Variants in TENM2 observed in about 807,000 individuals in gnomAD.
TENM2 encodes the protein teneurin-2.
In TENM2, 52 loss-of-function variants were observed where a neutral mutation model predicts 245.2. That is an observed-to-expected ratio of 0.21 (90% CI 0.17 to 0.27). TENM2 has a LOEUF of 0.27. Ranked by LOEUF, TENM2 falls within the 10% of genes least tolerant of loss-of-function variation. The pLI, the probability that TENM2 is intolerant of heterozygous loss-of-function variation, is 1.00. For synonymous variants in TENM2, 1,363 were observed against 1,438.9 expected, an observed-to-expected ratio of 0.95 and a Z score of 1.19; for missense variants, 3,046 against 3,666.8, an observed-to-expected ratio of 0.83 and a Z score of 4.37.
intron 2 of TENM2, among the ~76,000 whole-genome samples, chr5:167,645,728 G>A (rs1330931933): frequency 2.6e-5 from 4 of 151,702 alleles, no homozygotes; most frequent in African/African-American, 9.7e-5. Context: ...ATGTTAGTTT[G>A]GAGAAGGAAA....
At chr5:167,843,994 G>A (rs1003090282) in intron 2 of TENM2, among the ~76,000 whole-genome samples, 5 of 152,168 alleles carry the variant, frequency 3.3e-5, no homozygotes, top group Non-Finnish European at 7.3e-5. Context: ...CACTGGTGAG[G>A]CATCTCTTTT....
chr5:167,974,602 A>G (rs1782293609), intron 4 of TENM2, among the ~76,000 whole-genome samples: 2 of 152,206 alleles, frequency 1.3e-5, no homozygotes, highest in African/African-American at 4.8e-5. Context: ...CTCATTTAAT[A>G]GACACAATAT....
chr5:167,494,809 T>C (rs541645358), intron 2 of TENM2, among the ~76,000 whole-genome samples: 4 of 152,118 alleles, frequency 2.6e-5, no homozygotes, highest in Admixed American at 1.3e-4. Context: ...AGACTTGAAG[T>C]TGGACTGAAC....
Position 167,849,159 on chromosome 5 carries a change from C to T in TENM2, c.503-26827C>T, listed in dbSNP as rs1770329165. On this transcript the variant is annotated intron_variant, in intron 2 of 28. Coordinates refer to ENST00000518659, the Ensembl canonical transcript of TENM2. Reference sequence around the variant, plus strand: ...GCCTTTTCCAGCTTTTATAAGCTGCCTGCATTCTTTGGTTCATAGCCCCTT... The same window carrying T: ...GCCTTTTCCAGCTTTTATAAGCTGCTTGCATTCTTTGGTTCATAGCCCCTT... Among the ~76,000 whole-genome samples the T allele has an allele frequency of 1.3e-5, 2 of 152,124 alleles. 1 individual carries two copies. The highest frequency in any genetic ancestry group is 4.1e-4 in the South Asian group (2 of 4,822).
chr5:167,396,876 A>G (rs1451422007), intron 2 of TENM2, among the ~76,000 whole-genome samples: 2 of 152,172 alleles, frequency 1.3e-5, no homozygotes, highest in Non-Finnish European at 2.9e-5. Flanking sequence ...GGAGAGATGC[A>G]TCTTGGGCAC....
chr5:167,182,248 A>G, the TENM2 span, among the ~76,000 whole-genome samples: 1 of 152,156 alleles, frequency 6.6e-6, no homozygotes, highest in Non-Finnish European at 1.5e-5. Context: ...CTATATATTT[A>G]TAATGATTTT....
intron 10 of TENM2, among the ~76,000 whole-genome samples, chr5:168,123,656 CT>C (rs2152348553): frequency 6.6e-6 from 1 of 152,320 alleles, no homozygotes; most frequent in South Asian, 2.1e-4. Context: ...ATCCTTTAAT[CT>C]GGGCCAACAG....
intron 2 of TENM2, among the ~76,000 whole-genome samples, chr5:167,730,488 T>C (rs1006340801): frequency 6.6e-6 from 1 of 152,220 alleles, no homozygotes; most frequent in African/African-American, 2.4e-5. Context: ...TGGTGGATCA[T>C]GTTTAATTTC....
At chr5:167,233,906 A>T in the TENM2 span, among the ~76,000 whole-genome samples, 31,364 of 151,662 alleles carry the variant, frequency 0.21, 3,787 homozygotes, top group African/African-American at 0.34. Context: ...TCACAGCTCA[A>T]AGTGAAATGG....
chr5:167,895,551 C>T (rs1775149720), intron 3 of TENM2, among the ~76,000 whole-genome samples: 2 of 152,200 alleles, frequency 1.3e-5, no homozygotes, highest in Admixed American at 1.3e-4. Flanking sequence ...CTATGTACTA[C>T]TTCGCAAAAT....
intron 2 of TENM2, among the ~76,000 whole-genome samples, chr5:167,388,562 T>C (rs183505279): frequency 7.3e-4 from 111 of 152,112 alleles, no homozygotes; most frequent in African/African-American, 2.5e-3. Flanking sequence ...TTGGTTTTTT[T>C]TTGTTTCTCT....
chr5:167,857,423 T>G (rs1771193637), intron 2 of TENM2, among the ~76,000 whole-genome samples: 1 of 152,220 alleles, frequency 6.6e-6, no homozygotes. Flanking sequence ...CACATCAATC[T>G]GAATTTCTTC....
At chr5:168,036,087 C>A (rs1787637930) in intron 5 of TENM2, among the ~76,000 whole-genome samples, 3 of 152,132 alleles carry the variant, frequency 2.0e-5, no homozygotes. Flanking sequence ...GACACCAGCC[C>A]CTACCTGGGA....
the TENM2 span, among the ~76,000 whole-genome samples, chr5:167,236,840 T>A: frequency 6.6e-6 from 1 of 151,786 alleles, no homozygotes; most frequent in Non-Finnish European, 1.5e-5. Flanking sequence ...ACTGGCTGGC[T>A]GACCACATTT....
At chr5:168,220,274 C>A (rs963501318) in intron 23 of TENM2, among the ~76,000 whole-genome samples, 1 of 152,118 alleles carries the variant, frequency 6.6e-6, no homozygotes, top group Non-Finnish European at 1.5e-5. Context: ...ATTTCAGAAA[C>A]AATTTGTTGG....
chr5:167,222,779 A>G, the TENM2 span, among the ~76,000 whole-genome samples: 1 of 152,134 alleles, frequency 6.6e-6, no homozygotes, highest in East Asian at 1.9e-4. Flanking sequence ...CTCAGCTTCA[A>G]TTTCCTACAA....
intron 13 of TENM2, among the ~76,000 whole-genome samples, chr5:168,177,832 A>C (rs1340546297): frequency 1.3e-5 from 2 of 152,236 alleles, no homozygotes; most frequent in African/African-American, 2.4e-5. Flanking sequence ...ACAAGACCTC[A>C]TCTCTCAAAA....
chr5:167,924,297 C>T (rs920176730), intron 3 of TENM2, among the ~76,000 whole-genome samples: 2 of 152,168 alleles, frequency 1.3e-5, no homozygotes, highest in South Asian at 2.1e-4. Context: ...CTGTCAGTGT[C>T]GTGGGGACCA....
the TENM2 span, among the ~76,000 whole-genome samples, chr5:167,140,265 G>T: frequency 6.6e-6 from 1 of 152,130 alleles, no homozygotes; most frequent in Non-Finnish European, 1.5e-5. Flanking sequence ...GATTGGGGTA[G>T]CCATCCCTTC....
Sources: allele counts gnomAD v4.1 joint callset (sites outside exome capture counted in the v4.1 genomes callset), GRCh38; gene constraint gnomAD v4.1.1; transcripts MANE v1.5; gene names NCBI Gene and HGNC (gene_info 2026-07-23, HGNC 2026-07-21).